Variants in GTF2I observed in about 807,000 individuals in gnomAD.
GTF2I encodes general transcription factor IIi.
A neutral mutation model predicts 67.6 loss-of-function variants in GTF2I; 12 were observed. The ratio of observed to expected loss-of-function variants is 0.18; its 90% CI spans 0.11 to 0.29. The LOEUF (loss-of-function observed/expected upper bound fraction) is 0.29, where lower values mean the gene tolerates loss of function less well. Ranked by LOEUF, GTF2I falls within the 10% of genes least tolerant of loss-of-function variation. The pLI, the probability that GTF2I is intolerant of heterozygous loss-of-function variation, is 1.00. For synonymous variants in GTF2I, 149 were observed against 197.0 expected, an observed-to-expected ratio of 0.76 and a Z score of 2.04; for missense variants, 271 against 580.1, an observed-to-expected ratio of 0.47 and a Z score of 5.47.
chr7:74,706,777 C>T (rs782459467), intron 8 of GTF2I, among the ~76,000 whole-genome samples: 2 of 152,336 alleles, frequency 1.3e-5, no homozygotes, highest in African/African-American at 2.4e-5. Flanking sequence ...CACCTTCCTT[C>T]TCTGCACTCC....
intron 1 of GTF2I, among the ~76,000 whole-genome samples, chr7:74,688,493 G>T (rs1787946034): frequency 6.6e-6 from 1 of 151,956 alleles, no homozygotes; most frequent in South Asian, 2.1e-4. Flanking sequence ...TTTTGCTCTT[G>T]TCACCCAGAC....
At chr7:74,680,099 AAT>A (rs1554393663) in intron 1 of GTF2I, among the ~76,000 whole-genome samples, 1 of 95,002 alleles carries the variant, frequency 1.1e-5, no homozygotes, top group African/African-American at 4.0e-5. Flanking sequence ...AAAAAAAAAA[AAT>A]ATATATATAT....
intron 11 of GTF2I, among the ~76,000 whole-genome samples, 174 bp from the exon 12 acceptor site, chr7:74,718,705 A>G (rs1267455749): frequency 2.0e-5 from 3 of 152,150 alleles, no homozygotes; most frequent in African/African-American, 7.2e-5. Flanking sequence ...GTTTTCTTTT[A>G]TCCCTATTTA....
At chr7:74,662,511 C>CTTT (rs1161320476) in intron 1 of GTF2I, among the ~76,000 whole-genome samples, 15,427 of 50,122 alleles carry the variant, frequency 0.31, 5,301 homozygotes, top group East Asian at 0.57. Flanking sequence ...CACCTGGACC[C>CTTT]TTTTTTTTTT....
At chr7:74,731,743 C>T (rs1238054985) in intron 14 of GTF2I, among the ~76,000 whole-genome samples, 2 of 148,858 alleles carry the variant, frequency 1.3e-5, no homozygotes, top group Non-Finnish European at 3.0e-5. Flanking sequence ...CAAGGTTTCA[C>T]CATGTTGGCC....
At position 74,732,629 on chromosome 7, in the gene GTF2I, T is replaced by C; in HGVS notation, c.1271T>C (p.Leu424Pro). The C allele has an allele frequency of 6.3e-7, 1 of 1,582,304 alleles. No homozygotes were observed. Among genetic ancestry groups the C allele is most frequent in the East Asian group, 2.3e-5 (1 of 44,326 alleles). ...YGIPRLERIL[L>P]AKERIRFVIK... ...ATTCCTCGCCTGGAGAGGATATTAC[T>C]TGCAAAGGAAAGGATTCGTTTTGTG... Residue 424 changes from leucine (L) to proline (P), a missense_variant, in exon 15 of 35, where the codon CTT becomes CCT. By Grantham distance (98) the Leu-to-Pro change is moderately conservative. Around this residue, in one of 9 missense-constraint regions of GTF2I, gnomAD observed 0 missense variants for 40.6 expected, o/e 0.00. Coordinates refer to ENST00000573035, the MANE Select transcript of GTF2I (RefSeq NM_032999.4).
At chr7:74,725,213 T>C (rs1364236269) in intron 12 of GTF2I, among the ~76,000 whole-genome samples, 1 of 152,158 alleles carries the variant, frequency 6.6e-6, no homozygotes, top group Admixed American at 6.6e-5. Context: ...TCTTACTTTC[T>C]CAAAACCAAT....
At chr7:74,707,723 C>A (rs1002826741) in intron 8 of GTF2I, among the ~76,000 whole-genome samples, 3 of 152,106 alleles carry the variant, frequency 2.0e-5, no homozygotes, top group African/African-American at 7.2e-5. Context: ...CAAAAAAAAT[C>A]ATCATTTTGC....
intron 12 of GTF2I, among the ~76,000 whole-genome samples, chr7:74,725,786 T>C (rs760536709): frequency 3.0e-4 from 46 of 152,126 alleles, no homozygotes; most frequent in Non-Finnish European, 5.4e-4. Context: ...ATATTTTCAA[T>C]ATTTTACAGT....
At chr7:74,700,542 A>G (rs782653711) in intron 5 of GTF2I, 64 bp from the exon 6 acceptor site, 6 of 1,599,206 alleles carry the variant, frequency 3.8e-6, no homozygotes, top group Non-Finnish European at 5.1e-6. Flanking sequence ...AGTCATTTAA[A>G]TGTATGCTTT....
At chr7:74,659,234 T>A (rs879992125) in intron 1 of GTF2I, among the ~76,000 whole-genome samples, 9 of 151,914 alleles carry the variant, frequency 5.9e-5, no homozygotes, top group Admixed American at 3.3e-4. Context: ...AATTTTCTTT[T>A]TTTTTTTTAG....
intron 10 of GTF2I, among the ~76,000 whole-genome samples, chr7:74,715,322 G>T (rs1299378156): frequency 6.6e-6 from 1 of 151,974 alleles, no homozygotes; most frequent in Non-Finnish European, 1.5e-5. Context: ...CGAATTGATT[G>T]CCTTTTTGGC....
At chr7:74,724,653 G>A (rs1176780413) in intron 12 of GTF2I, among the ~76,000 whole-genome samples, 2 of 152,186 alleles carry the variant, frequency 1.3e-5, no homozygotes, top group Non-Finnish European at 2.9e-5. Flanking sequence ...AATGGGCCAG[G>A]TGTGGTGGTG....
intron 1 of GTF2I, among the ~76,000 whole-genome samples, chr7:74,684,115 C>T (rs1336123873): frequency 1.3e-5 from 2 of 152,136 alleles, no homozygotes; most frequent in Non-Finnish European, 2.9e-5. Flanking sequence ...TTCTGGAGCA[C>T]CACCTCCATC....
At position 74,692,143 on chromosome 7, in the gene GTF2I, C is replaced by T. The variant is rs188555127; in HGVS notation, c.238+1032C>T. 2.6e-4 allele frequency among the ~76,000 whole-genome samples: 39 copies of T among 149,558 alleles called. No homozygotes were observed. In the East Asian group the frequency reaches 6.3e-3, roughly 24 times the overall value. The stretch of plus-strand genomic sequence containing the variant: ...GGCTGGAGTGCAGTGGCGCGATCTC[C>T]GCTCACTGCAACTTCCACCTCCTGT... On this transcript the variant is annotated intron_variant, in intron 3 of 34. Transcript: ENST00000573035.
chr7:74,704,268 T>TTATTTA (rs369892028), intron 6 of GTF2I, among the ~76,000 whole-genome samples: 1 of 144,342 alleles, frequency 6.9e-6, no homozygotes, highest in East Asian at 2.0e-4. Context: ...TAATTATTAT[T>TTATTTA]TTTATTTATT....
At chr7:74,726,085 T>A (rs377599350) in intron 12 of GTF2I, among the ~76,000 whole-genome samples, 1 of 152,168 alleles carries the variant, frequency 6.6e-6, no homozygotes, top group African/African-American at 2.4e-5. Flanking sequence ...TCCTTTCTCA[T>A]GTCATTCTAC....
chr7:74,703,206 C>T (rs782439951), intron 6 of GTF2I, among the ~76,000 whole-genome samples: 5 of 150,972 alleles, frequency 3.3e-5, no homozygotes, highest in Non-Finnish European at 7.4e-5. Context: ...TTTCTTTTTG[C>T]AATGGTGTCA....
intron 1 of GTF2I, among the ~76,000 whole-genome samples, chr7:74,680,204 G>GTA (rs1210843412): frequency 5.6e-5 from 8 of 142,130 alleles, no homozygotes; most frequent in Non-Finnish European, 3.0e-5. Context: ...ATATATTTGT[G>GTA]TATATATATT....
Sources: allele counts gnomAD v4.1 joint callset (sites outside exome capture counted in the v4.1 genomes callset), GRCh38; gene constraint gnomAD v4.1.1; regional missense constraint gnomAD v4.1.1; transcripts MANE v1.5; gene names NCBI Gene and HGNC (gene_info 2026-07-23, HGNC 2026-07-21).